Variants in TRPM3 observed in about 807,000 individuals in gnomAD.
TRPM3 encodes long transient receptor potential channel 3.
Under a neutral mutation model 181.2 loss-of-function variants are expected in TRPM3, and 77 were observed. The ratio of observed to expected loss-of-function variants is 0.42; its 90% CI spans 0.35 to 0.51. The LOEUF (loss-of-function observed/expected upper bound fraction) is 0.51, where lower values mean the gene tolerates loss of function less well. TRPM3 is among the 20% of genes least tolerant of loss of function. TRPM3 has a pLI of 0.01. For missense variants in TRPM3, 1,759 were observed against 2,196.7 expected, an observed-to-expected ratio of 0.80 and a Z score of 3.98; for synonymous variants, 745 against 796.4, an observed-to-expected ratio of 0.94 and a Z score of 1.09.
At chr9:71,211,222 G>A (rs914267945) in intron 1 of TRPM3, among the ~76,000 whole-genome samples, 7 of 152,276 alleles carry the variant, frequency 4.6e-5, no homozygotes, top group East Asian at 1.9e-4. Context: ...GTCATTAACC[G>A]TGATCTCTAA....
At position 70,809,465 on chromosome 9, in the gene TRPM3, T is replaced by A. The variant is rs140976004; in HGVS notation, c.973+18382A>T. On this transcript the variant is annotated intron_variant, in intron 6 of 25. Coordinates refer to ENST00000677713, the MANE Select transcript of TRPM3 (RefSeq NM_001366145.2). ...ACTATTTGTATCTTTTATACTATGT[T>A]TTTATTGTGTCTTTTCTATGTTTAG... 5.8e-3 allele frequency among the ~76,000 whole-genome samples: 881 copies of A among 152,322 alleles called. 14 individuals carry two copies. The highest frequency in any genetic ancestry group is 0.019 in the African/African-American group (794 of 41,570).
chr9:71,319,367 C>T (rs578109690), intron 1 of TRPM3, among the ~76,000 whole-genome samples: 1 of 152,214 alleles, frequency 6.6e-6, no homozygotes, highest in African/African-American at 2.4e-5. Context: ...GACTGAGAAC[C>T]AGTGAAGCCA....
At chr9:70,813,773 T>G (rs1175518562) in intron 6 of TRPM3, among the ~76,000 whole-genome samples, 1 of 152,210 alleles carries the variant, frequency 6.6e-6, no homozygotes, top group Non-Finnish European at 1.5e-5. Flanking sequence ...GAGCGTGCTA[T>G]TTACTAGCAG....
intron 1 of TRPM3, among the ~76,000 whole-genome samples, chr9:71,420,101 A>C (rs2093703091): frequency 2.0e-5 from 3 of 151,958 alleles, no homozygotes; most frequent in African/African-American, 7.2e-5. Context: ...CCCATTTTAA[A>C]CCTTCTTAAA....
chr9:70,652,977 G>A (rs953107546), intron 9 of TRPM3, among the ~76,000 whole-genome samples: 1 of 152,168 alleles, frequency 6.6e-6, no homozygotes, highest in African/African-American at 2.4e-5. Context: ...TGCAGGGCTT[G>A]GTGGAGAGTA....
At chr9:71,420,349 C>A (rs2093706551) in intron 1 of TRPM3, among the ~76,000 whole-genome samples, 1 of 151,820 alleles carries the variant, frequency 6.6e-6, no homozygotes, top group Non-Finnish European at 1.5e-5. Flanking sequence ...TATATAAATC[C>A]CTCCCTTCAT....
intron 22 of TRPM3, among the ~76,000 whole-genome samples, chr9:70,555,060 CCT>C (rs1435270717): frequency 1.3e-5 from 2 of 152,204 alleles, no homozygotes; most frequent in Non-Finnish European, 2.9e-5. Context: ...CCACCTCCCA[CCT>C]CTCCCTCTGA....
intron 1 of TRPM3, among the ~76,000 whole-genome samples, chr9:71,215,048 A>AAAAAAAAAAAAAAAAAG (rs2079771800): frequency 1.8e-5 from 1 of 55,752 alleles, no homozygotes. Flanking sequence ...AAAAAAAAAC[A>AAAAAAAAAAAAAAAAAG]AAAAAAAAAA....
At chr9:70,549,237 T>A (rs745680489) in intron 25 of TRPM3, among the ~76,000 whole-genome samples, 98 of 152,196 alleles carry the variant, frequency 6.4e-4, no homozygotes, top group Admixed American at 2.0e-3. Context: ...GGTTTTTGCC[T>A]GGAACAGAAC....
chr9:71,279,034 T>TAAAA (rs200421016), intron 1 of TRPM3, among the ~76,000 whole-genome samples: 126 of 47,564 alleles, frequency 2.6e-3, no homozygotes, highest in Non-Finnish European at 3.7e-3. Flanking sequence ...CCTGCTTAGG[T>TAAAA]TAAAAAAAAT....
At chr9:70,602,106 C>CTTTTTTTTTTTTT in intron 20 of TRPM3, among the ~76,000 whole-genome samples, 1 of 128,204 alleles carries the variant, frequency 7.8e-6, no homozygotes, top group Non-Finnish European at 1.6e-5. Flanking sequence ...CAAGGCATTC[C>CTTTTTTTTTTTTT]TTTTTTTTTT....
intron 9 of TRPM3, among the ~76,000 whole-genome samples, chr9:70,658,563 G>A (rs766277136): frequency 2.5e-4 from 38 of 152,062 alleles, no homozygotes; most frequent in Admixed American, 2.0e-4. Context: ...CTTAGTGTAT[G>A]TTATTAGTAA....
intron 1 of TRPM3, among the ~76,000 whole-genome samples, chr9:70,903,172 G>A (rs558792742): frequency 5.9e-5 from 9 of 152,216 alleles, no homozygotes; most frequent in African/African-American, 2.2e-4. Context: ...GTGTTGAAAC[G>A]TTAACATTTT....
At chr9:70,798,246 A>G (rs2087796490) in intron 6 of TRPM3, among the ~76,000 whole-genome samples, 1 of 151,964 alleles carries the variant, frequency 6.6e-6, no homozygotes, top group South Asian at 2.1e-4. Context: ...GTAGAGACAG[A>G]GTTTCGCCAT....
intron 1 of TRPM3, among the ~76,000 whole-genome samples, chr9:71,348,784 T>A (rs2132651949): frequency 6.6e-6 from 1 of 152,138 alleles, no homozygotes; most frequent in South Asian, 2.1e-4. Context: ...TTGGCCAGGC[T>A]GGTCTCAAAC....
At chr9:71,434,030 G>T (rs577994665) in intron 1 of TRPM3, among the ~76,000 whole-genome samples, 1 of 151,954 alleles carries the variant, frequency 6.6e-6, no homozygotes, top group Non-Finnish European at 1.5e-5. Context: ...GTGGTGGCGC[G>T]CACCTGTAGT....
At chr9:71,159,402 C>T (rs1697929257) in intron 1 of TRPM3, among the ~76,000 whole-genome samples, 1 of 151,986 alleles carries the variant, frequency 6.6e-6, no homozygotes, top group Non-Finnish European at 1.5e-5. Flanking sequence ...AAAAATAAGG[C>T]TCGGCTACTC....
At chr9:70,858,835 T>G (rs185185911) in intron 3 of TRPM3, among the ~76,000 whole-genome samples, 1 of 152,200 alleles carries the variant, frequency 6.6e-6, no homozygotes, top group African/African-American at 2.4e-5. Context: ...GAATTTGTGT[T>G]TAGTAAATGA....
intron 8 of TRPM3, among the ~76,000 whole-genome samples, chr9:70,756,681 A>G (rs1443094692): frequency 6.6e-6 from 1 of 152,170 alleles, no homozygotes; most frequent in African/African-American, 2.4e-5. Flanking sequence ...GGATTAAAGA[A>G]CTCACTCAAA....
Sources: gnomAD v4.1 joint callset for allele counts (sites outside exome capture counted in the v4.1 genomes callset) on GRCh38, gnomAD v4.1.1 for gene constraint, MANE v1.5 for transcripts, NCBI Gene and HGNC (gene_info 2026-07-23, HGNC 2026-07-21) for gene names.